GRAMD2B: variants seen among roughly 807,000 people sequenced by gnomAD.
The protein encoded by GRAMD2B is GRAM domain containing 2B, also known as GRAM domain-containing protein 2B.
In GRAMD2B, 41 loss-of-function variants were observed where a neutral mutation model predicts 59.2. The ratio of observed to expected loss-of-function variants is 0.69; its 90% CI spans 0.54 to 0.90. The LOEUF (loss-of-function observed/expected upper bound fraction) is 0.90. Ranked by LOEUF, GRAMD2B falls within the 40% of genes least tolerant of loss-of-function variation. The pLI, the probability that GRAMD2B is intolerant of heterozygous loss-of-function variation, is 0.00. For synonymous variants in GRAMD2B, 161 were observed against 182.7 expected, an observed-to-expected ratio of 0.88 and a Z score of 0.96; for missense variants, 424 against 500.5, an observed-to-expected ratio of 0.85 and a Z score of 1.46.
At chr5:126,468,061 A>C (rs1238478024) in intron 2 of GRAMD2B, among the ~76,000 whole-genome samples, 1 of 152,204 alleles carries the variant, frequency 6.6e-6, no homozygotes, top group Non-Finnish European at 1.5e-5. Flanking sequence ...ATATTGTGAA[A>C]TCATGGATTT....
chr5:126,436,493 A>G (rs1399357157), intron 1 of GRAMD2B, among the ~76,000 whole-genome samples: 2 of 152,100 alleles, frequency 1.3e-5, no homozygotes, highest in Non-Finnish European at 2.9e-5. Context: ...TACCACAAAT[A>G]ATATAGAAAT....
chr5:126,423,473 T>C lies in GRAMD2B; in HGVS notation c.-134T>C, dbSNP rs996652926. ...GGAGCTTGGCGCGGCCCGGCCTGGATGCGCTGGGCGGAGGGTGCAGGGGAG... is the reference window on the plus strand; with the variant it reads ...GGAGCTTGGCGCGGCCCGGCCTGGACGCGCTGGGCGGAGGGTGCAGGGGAG... On this transcript the variant is annotated 5_prime_UTR_variant, in exon 1 of 14. It removes an upstream start codon present in the reference 5' UTR. Coordinates refer to ENST00000285689, the MANE Select transcript of GRAMD2B (RefSeq NM_023927.4). The C allele has an allele frequency of 6.9e-6, 10 of 1,448,722 alleles. No individual in the cohort carries two copies. The East Asian group carries it at 2.6e-4, about 38-fold the overall frequency. The allele number at this position is 1,448,722 out of a possible 1,614,324, so 89.7% of individuals were successfully genotyped here.
intron 1 of GRAMD2B, chr5:126,464,988 T>C (rs1768030422): frequency 1.1e-6 from 1 of 899,386 alleles, no homozygotes; most frequent in African/African-American, 1.8e-5. Flanking sequence ...TTAAACAACA[T>C]GTAAGTGACA....
rs765961481 is a variant in GRAMD2B at position 126,488,821 on chromosome 5, A to T, written c.1186A>T (p.Arg396Trp). The change falls in exon 13 of 14, where the codon AGG becomes TGG. Residue 396 changes from arginine (R) to tryptophan (W), a missense_variant. Physicochemically the swap from Arg to Trp is moderately radical, Grantham distance 101. Coordinates refer to ENST00000285689, the MANE Select transcript of GRAMD2B (RefSeq NM_023927.4). ...NTEQAAPSGLRSQVQFNVEVL... is the reference protein window; with the variant it reads ...NTEQAAPSGLWSQVQFNVEVL... ...CAGACAGGCAGCACCATCTGGCCTG[A>T]GGTCACAAGTACAATTCAATGTGGA... is the stretch of plus-strand genomic sequence containing the variant. 1.9e-6 allele frequency: 3 copies of T among 1,613,628 alleles called. No homozygotes were observed. The highest frequency in any genetic ancestry group is 2.5e-6 in the Non-Finnish European group (3 of 1,179,614).
At chr5:126,392,613 C>A (rs890007005) in intron 1 of GRAMD2B, among the ~76,000 whole-genome samples, 6 of 151,948 alleles carry the variant, frequency 3.9e-5, no homozygotes, top group Non-Finnish European at 5.9e-5. Context: ...GGTCCGCAAC[C>A]TTTTTGGCAC....
At chr5:126,407,719 G>A (rs72782487) in intron 1 of GRAMD2B, among the ~76,000 whole-genome samples, 2,511 of 152,002 alleles carry the variant, frequency 0.017, 39 homozygotes, top group Admixed American at 0.054. Flanking sequence ...TCCACACACC[G>A]TGGGTTGCCA....
chr5:126,494,139 C>T lies in GRAMD2B; in HGVS notation c.*1183C>T, dbSNP rs914044805. 6.6e-6 allele frequency: 1 copy of T among 152,622 alleles called. No homozygotes were observed. The highest frequency in any genetic ancestry group is 1.5e-5 in the Non-Finnish European group (1 of 68,048). 9.5% of individuals were successfully genotyped at this position (152,622 alleles called of 1,614,324 possible). On this transcript the variant is annotated 3_prime_UTR_variant, in exon 14 of 14. Coordinates refer to ENST00000285689, the MANE Select transcript of GRAMD2B (RefSeq NM_023927.4). Reference sequence around the variant, plus strand: ...GCACCTCTGGCTTTTAATAAATACTCATTGGTTGAAACACCCTGCTAACAC... The same window carrying T: ...GCACCTCTGGCTTTTAATAAATACTTATTGGTTGAAACACCCTGCTAACAC...
At chr5:126,382,033 T>G (rs1755704384) in intron 1 of GRAMD2B, among the ~76,000 whole-genome samples, 1 of 152,168 alleles carries the variant, frequency 6.6e-6, no homozygotes, top group South Asian at 2.1e-4. Context: ...CCTTCTACCT[T>G]GTAGGTTTTA....
intron 1 of GRAMD2B, among the ~76,000 whole-genome samples, chr5:126,364,691 T>C (rs1754360780): frequency 6.6e-6 from 1 of 152,212 alleles, no homozygotes; most frequent in African/African-American, 2.4e-5. Context: ...TAGTGATAGA[T>C]CTATAACAGG....
intron 1 of GRAMD2B, among the ~76,000 whole-genome samples, chr5:126,428,482 T>G (rs4560541): frequency 0.017 from 2,567 of 152,236 alleles, 76 homozygotes; most frequent in African/African-American, 0.058. Flanking sequence ...AAATATATAG[T>G]GAACCAAATC....
intron 1 of GRAMD2B, among the ~76,000 whole-genome samples, chr5:126,364,316 A>T (rs1488785391): frequency 2.0e-5 from 3 of 152,184 alleles, no homozygotes; most frequent in Non-Finnish European, 4.4e-5. Flanking sequence ...CTAATTGCAA[A>T]CTATGGGGAG....
At chr5:126,451,681 G>A (rs140161153) in intron 1 of GRAMD2B, among the ~76,000 whole-genome samples, 274 of 152,262 alleles carry the variant, frequency 1.8e-3, no homozygotes, top group East Asian at 0.012. Flanking sequence ...ATGTGAGGAC[G>A]AGATGTGGGG....
intron 1 of GRAMD2B, among the ~76,000 whole-genome samples, chr5:126,379,240 C>G (rs1580705062): frequency 6.6e-6 from 1 of 152,104 alleles, no homozygotes; most frequent in East Asian, 1.9e-4. Flanking sequence ...TTATTTCATT[C>G]CTTTTTGTGG....
At chr5:126,370,693 C>T (rs1754704097), upstream of GRAMD2B, among the ~76,000 whole-genome samples, 1 of 152,158 alleles carries the variant, frequency 6.6e-6, no homozygotes, top group Non-Finnish European at 1.5e-5. Context: ...TCAAACAGAG[C>T]AGAACTGGGA....
At chr5:126,476,062 C>T (rs1462471181) in intron 5 of GRAMD2B, among the ~76,000 whole-genome samples, 2 of 151,564 alleles carry the variant, frequency 1.3e-5, no homozygotes, top group Non-Finnish European at 1.5e-5. Context: ...GAGCCGAGAT[C>T]GTGCCACTGC....
intron 10 of GRAMD2B, 94 bp from the exon 11 acceptor site, chr5:126,485,592 C>CAATT: frequency 1.5e-6 from 1 of 674,748 alleles, no homozygotes; most frequent in Non-Finnish European, 2.5e-6. Context: ...TACCTGGGAA[C>CAATT]AATTACCTCT....
chr5:126,366,382 C>T (rs1158166035), upstream of GRAMD2B, among the ~76,000 whole-genome samples: 1 of 152,160 alleles, frequency 6.6e-6, no homozygotes, highest in Admixed American at 6.5e-5. Flanking sequence ...CAGCTGTTGT[C>T]CCATTGAGTA....
At chr5:126,384,183 C>G (rs1755906326) in intron 1 of GRAMD2B, among the ~76,000 whole-genome samples, 1 of 152,080 alleles carries the variant, frequency 6.6e-6, no homozygotes, top group Non-Finnish European at 1.5e-5. Context: ...ATAGATTCTT[C>G]TTGAGTAAAT....
At chr5:126,432,696 T>C (rs2149805221) in intron 1 of GRAMD2B, among the ~76,000 whole-genome samples, 1 of 152,290 alleles carries the variant, frequency 6.6e-6, no homozygotes, top group East Asian at 1.9e-4. Context: ...ATATATTTCT[T>C]TTCCTCCCGC....
Sources: gnomAD v4.1 joint callset for allele counts (sites outside exome capture counted in the v4.1 genomes callset) on GRCh38, gnomAD v4.1.1 for gene constraint, MANE v1.5 for transcripts, NCBI Gene and HGNC (gene_info 2026-07-23, HGNC 2026-07-21) for gene names.